The following ANO4 variants were observed in gnomAD, a reference collection of about 807,000 sequenced individuals.
ANO4 encodes anoctamin 4, also known as anoctamin-4.
ANO4 carries 69 observed loss-of-function variants against 141.9 expected under a neutral mutation model. The observed-to-expected ratio is 0.49, with a 90% confidence interval of 0.40 to 0.59. The LOEUF is 0.59. Among genes scored for constraint, ANO4 ranks in the 20% least tolerant of loss-of-function variants. The pLI, the probability that ANO4 is intolerant of heterozygous loss-of-function variation, is 0.00. For missense variants in ANO4, 894 were observed against 1,162.2 expected, an observed-to-expected ratio of 0.77 and a Z score of 3.36; for synonymous variants, 350 against 394.3, an observed-to-expected ratio of 0.89 and a Z score of 1.33.
intron 26 of ANO4, among the ~76,000 whole-genome samples, chr12:101,124,438 A>G (rs1317874745): frequency 6.6e-6 from 1 of 152,130 alleles, no homozygotes; most frequent in African/African-American, 2.4e-5. Context: ...CTCTGATGAT[A>G]GTTTTTTTGT....
Position 100,739,798 on chromosome 12 carries a change from A to G in ANO4, c.107-56A>G, listed in dbSNP as rs945170115. 2.6e-5 allele frequency: 18 copies of G among 684,570 alleles called. No homozygotes were observed. The Admixed American group carries it at 3.4e-4, about 13-fold the overall frequency. The allele number at this position is 684,570 out of a possible 1,614,324, so 42.4% of individuals were successfully genotyped here. A position where few individuals can be genotyped will look rare whatever the true frequency, so the allele number is the denominator to read the frequency against. On this transcript the variant is annotated intron_variant, in intron 2 of 29. Coordinates refer to the ANO4 transcript ENST00000644049. ...TAAGATTTTGGGGAAGTATGAAAAT[A>G]AGCACACTATATGGCTTTGATTGCT...
chr12:101,104,619 GTA>G (rs1158370026), intron 22 of ANO4, among the ~76,000 whole-genome samples: 1,123 of 41,802 alleles, frequency 0.027, 40 homozygotes, highest in African/African-American at 0.13. Context: ...GTGTGTGTAT[GTA>G]TGTGTGTATA....
intron 1 of ANO4, among the ~76,000 whole-genome samples, chr12:100,803,920 A>G (rs1188298488): frequency 2.0e-5 from 3 of 151,742 alleles, no homozygotes; most frequent in Admixed American, 1.3e-4. Flanking sequence ...ACATGTATAT[A>G]TGTATTTTCC....
chr12:100,827,411 A>G (rs969688148), intron 1 of ANO4, among the ~76,000 whole-genome samples: 1 of 152,046 alleles, frequency 6.6e-6, no homozygotes, highest in Non-Finnish European at 1.5e-5. Context: ...TAAACTTGTT[A>G]AAAAGAAAGA....
intron 1 of ANO4, among the ~76,000 whole-genome samples, chr12:100,719,462 C>T (rs1225777511): frequency 1.3e-5 from 2 of 152,164 alleles, no homozygotes; most frequent in Non-Finnish European, 2.9e-5. Flanking sequence ...GAACCCTCCG[C>T]AAATCTTCTC....
intron 5 of ANO4, among the ~76,000 whole-genome samples, chr12:100,946,540 A>G (rs757989446): frequency 2.6e-5 from 4 of 152,204 alleles, no homozygotes; most frequent in Non-Finnish European, 5.9e-5. Context: ...GTCACAGACT[A>G]TTTGTCTGAC....
chr12:100,919,076 A>G (rs1364176207), intron 2 of ANO4, among the ~76,000 whole-genome samples: 1 of 152,214 alleles, frequency 6.6e-6, no homozygotes, highest in African/African-American at 2.4e-5. Flanking sequence ...ATATAAAGAA[A>G]GAAAATATTT....
intron 7 of ANO4, among the ~76,000 whole-genome samples, chr12:100,981,379 C>T (rs2044452516): frequency 6.6e-6 from 1 of 150,758 alleles, no homozygotes; most frequent in South Asian, 2.1e-4. Flanking sequence ...ATTATCATTC[C>T]AAGAGGGTGT....
At chr12:100,893,639 C>G (rs2040209674) in intron 1 of ANO4, among the ~76,000 whole-genome samples, 1 of 152,106 alleles carries the variant, frequency 6.6e-6, no homozygotes, top group Admixed American at 6.5e-5. Context: ...TTGACTAAAG[C>G]AAGTCATGAT....
intron 2 of ANO4, among the ~76,000 whole-genome samples, chr12:100,919,670 C>CTGTGTG (rs63330161): frequency 3.2e-4 from 45 of 139,868 alleles, no homozygotes; most frequent in East Asian, 1.9e-3. Context: ...GGACATGTCT[C>CTGTGTG]TGTGTGTGTG....
chr12:101,065,026 C>T (rs567079650), intron 14 of ANO4, among the ~76,000 whole-genome samples: 11 of 152,120 alleles, frequency 7.2e-5, no homozygotes, highest in East Asian at 3.9e-4. Context: ...ATTATGTCAT[C>T]GAAGTGCAAG....
In ANO4 at chr12:101,099,627, C is replaced by A. The variant is rs1361701369; in HGVS notation, c.2056C>A (p.Pro686Thr). ...AAGAAAAGTACGACAAGAACATGGA[C>A]CTGAAAGGAAAATAAGTTTCCCACA... ...TRRKVRQEHGPERKISFPQWE... is the reference protein window; with the variant it reads ...TRRKVRQEHGTERKISFPQWE... The change falls in exon 22 of 28, where the codon CCT becomes ACT. Residue 686 changes from proline (P) to threonine (T), a missense_variant. Around this residue, in one of 2 missense-constraint regions of ANO4, gnomAD observed 637 missense variants for 909.2 expected, o/e 0.70. Transcript: ENST00000392977. 17 of 1,611,808 alleles carry A rather than the reference C, an allele frequency of 1.1e-5. No homozygotes were observed. Among genetic ancestry groups the A allele is most frequent in the Non-Finnish European group, 1.2e-5 (14 of 1,179,308 alleles).
At chr12:101,111,826 C>T in intron 24 of ANO4, 116 bp downstream of exon 24, 1 of 839,980 alleles carries the variant, frequency 1.2e-6, no homozygotes. Context: ...GAAGGAGAGG[C>T]CTGTGATAGG....
chr12:101,120,463 G>C, intron 25 of ANO4, 57 bp from the exon 26 acceptor site: 1 of 1,444,622 alleles, frequency 6.9e-7, no homozygotes, highest in Non-Finnish European at 9.7e-7. Context: ...GAATGGAAGA[G>C]ATTTGAGAAT....
At chr12:100,876,971 A>C (rs2039340879) in intron 1 of ANO4, among the ~76,000 whole-genome samples, 1 of 152,240 alleles carries the variant, frequency 6.6e-6, no homozygotes, top group South Asian at 2.1e-4. Flanking sequence ...CATTTGTGAC[A>C]AAATGGATGA....
chr12:101,089,315 C>T (rs1416747567), intron 17 of ANO4, among the ~76,000 whole-genome samples: 2 of 151,718 alleles, frequency 1.3e-5, no homozygotes, highest in African/African-American at 2.4e-5. Context: ...ATACATAAAA[C>T]ATCTTTATTA....
chr12:100,756,240 T>C (rs1161065598), intron 3 of ANO4, among the ~76,000 whole-genome samples: 1 of 152,246 alleles, frequency 6.6e-6, no homozygotes, highest in Non-Finnish European at 1.5e-5. Context: ...TATTTCAATA[T>C]TGTGTGTCCT....
chr12:100,938,029 T>A (rs1355102748), intron 3 of ANO4, among the ~76,000 whole-genome samples: 1 of 152,242 alleles, frequency 6.6e-6, no homozygotes, highest in Non-Finnish European at 1.5e-5. Flanking sequence ...GTTCTAGGAA[T>A]CAGATCACCT....
chr12:100,945,341 G>A (rs1425810027), intron 5 of ANO4, among the ~76,000 whole-genome samples: 1 of 152,126 alleles, frequency 6.6e-6, no homozygotes, highest in Non-Finnish European at 1.5e-5. Context: ...TTTGCTCCAG[G>A]CTGATTAGTC....
Sources: gnomAD v4.1 joint callset for allele counts (sites outside exome capture counted in the v4.1 genomes callset) on GRCh38, gnomAD v4.1.1 for gene constraint, gnomAD v4.1.1 regional missense constraint, MANE v1.5 for transcripts, NCBI Gene and HGNC (gene_info 2026-07-23, HGNC 2026-07-21) for gene names.